PHACTR1: variants seen among roughly 807,000 people sequenced by gnomAD.
PHACTR1 encodes phosphatase and actin regulator 1, also known as RPEL repeat containing 1.
Under a neutral mutation model 69.2 loss-of-function variants are expected in PHACTR1, and 16 were observed. The ratio of observed to expected loss-of-function variants is 0.23; its 90% CI spans 0.16 to 0.35. The LOEUF (loss-of-function observed/expected upper bound fraction) is 0.35, where lower values mean the gene tolerates loss of function less well. Among genes scored for constraint, PHACTR1 ranks in the 10% least tolerant of loss-of-function variants. The pLI is 1.00. For missense variants in PHACTR1, 510 were observed against 734.7 expected, an observed-to-expected ratio of 0.69 and a Z score of 3.54; for synonymous variants, 312 against 284.5, an observed-to-expected ratio of 1.10 and a Z score of -0.97.
At chr6:12,947,047 G>A (rs931764915) in intron 4 of PHACTR1, among the ~76,000 whole-genome samples, 4 of 151,654 alleles carry the variant, frequency 2.6e-5, no homozygotes, top group African/African-American at 7.3e-5. Flanking sequence ...TCCTGATGTC[G>A]TGATCCACCC....
At chr6:13,054,321 A>G (rs1806445630) in intron 5 of PHACTR1, among the ~76,000 whole-genome samples, 1 of 152,250 alleles carries the variant, frequency 6.6e-6, no homozygotes, top group Non-Finnish European at 1.5e-5. Flanking sequence ...AATGTGCTAC[A>G]GGGAAAGACA....
At chr6:12,776,384 T>G (rs1229732702) in intron 4 of PHACTR1, among the ~76,000 whole-genome samples, 2 of 152,226 alleles carry the variant, frequency 1.3e-5, no homozygotes, top group Non-Finnish European at 2.9e-5. Context: ...TCTGGAGAGT[T>G]GGAATCAGTA....
intron 4 of PHACTR1, among the ~76,000 whole-genome samples, chr6:12,935,256 T>C (rs1381289638): frequency 6.6e-6 from 1 of 152,168 alleles, no homozygotes; most frequent in South Asian, 2.1e-4. Flanking sequence ...TTATTTTTAT[T>C]TTTTTAAGAC....
At chr6:13,116,209 G>C (rs1817799477) in intron 5 of PHACTR1, among the ~76,000 whole-genome samples, 1 of 152,312 alleles carries the variant, frequency 6.6e-6, no homozygotes. Flanking sequence ...ACTGAAATTG[G>C]AGGAACATGC....
intron 4 of PHACTR1, among the ~76,000 whole-genome samples, chr6:13,004,261 C>G (rs899000964): frequency 3.3e-5 from 5 of 151,910 alleles, no homozygotes; most frequent in African/African-American, 7.3e-5. Context: ...TCCCTTTTCT[C>G]TGCATCCTCA....
intron 5 of PHACTR1, 36 bp from the exon 6 acceptor site, chr6:13,160,168 C>G (rs371642316): frequency 1.9e-6 from 3 of 1,577,562 alleles, no homozygotes; most frequent in Non-Finnish European, 2.6e-6. Flanking sequence ...TTGTTACCTA[C>G]TCACATCTGC....
chr6:12,760,695 G>A (rs982353524), intron 4 of PHACTR1, among the ~76,000 whole-genome samples: 6 of 152,192 alleles, frequency 3.9e-5, no homozygotes, highest in Non-Finnish European at 8.8e-5. Context: ...CACTTTGGGA[G>A]GTGGAGGTGG....
intron 6 of PHACTR1, among the ~76,000 whole-genome samples, chr6:13,175,431 CT>C (rs991051353): frequency 6.6e-6 from 1 of 152,172 alleles, no homozygotes; most frequent in Non-Finnish European, 1.5e-5. Flanking sequence ...AGCTAAGTGG[CT>C]TGTTGAGAGC....
At chr6:13,070,847 A>G (rs1473695191) in intron 5 of PHACTR1, among the ~76,000 whole-genome samples, 1 of 152,162 alleles carries the variant, frequency 6.6e-6, no homozygotes, top group Non-Finnish European at 1.5e-5. Context: ...ACCAAAAAAA[A>G]ACAAGGTTTT....
At chr6:13,131,089 A>G (rs1194043771) in intron 5 of PHACTR1, among the ~76,000 whole-genome samples, 1 of 152,002 alleles carries the variant, frequency 6.6e-6, no homozygotes, top group Non-Finnish European at 1.5e-5. Context: ...CAGAAAAAGC[A>G]TTTGACAAAT....
intron 4 of PHACTR1, among the ~76,000 whole-genome samples, chr6:12,751,880 C>T (rs1036690612): frequency 2.0e-5 from 3 of 152,190 alleles, no homozygotes; most frequent in African/African-American, 7.2e-5. Flanking sequence ...GTCTGTACTG[C>T]AGTCAGGGGA....
chr6:12,904,494 A>C (rs1344546370), intron 4 of PHACTR1, among the ~76,000 whole-genome samples: 2 of 151,048 alleles, frequency 1.3e-5, no homozygotes, highest in Admixed American at 6.6e-5. Flanking sequence ...AGATCTTCCC[A>C]CTGCACTCCA....
chr6:12,736,874 CTT>C (rs1337570032), intron 3 of PHACTR1, among the ~76,000 whole-genome samples: 4 of 152,090 alleles, frequency 2.6e-5, no homozygotes, highest in Non-Finnish European at 5.9e-5. Context: ...TTTGCTCTCT[CTT>C]GTCTCTATTG....
chr6:13,119,612 CT>C (rs1818396305), intron 5 of PHACTR1, among the ~76,000 whole-genome samples: 1 of 152,178 alleles, frequency 6.6e-6, no homozygotes. Flanking sequence ...AGGTTTGTTG[CT>C]TTTGCATCTC....
In PHACTR1 at chr6:13,287,543, A is replaced by C. The variant is rs2127505191; in HGVS notation, c.*465A>C. 1 of 157,680 alleles carries C rather than the reference A, an allele frequency of 6.3e-6. No individual in the cohort carries two copies. The highest frequency in any genetic ancestry group is 1.4e-5 in the Non-Finnish European group (1 of 71,508). The allele number at this position is 157,680 out of a possible 1,614,324, so 9.8% of individuals were successfully genotyped here. On this transcript the variant is annotated 3_prime_UTR_variant, in exon 15 of 15. Coordinates refer to ENST00000332995, the MANE Select transcript of PHACTR1 (RefSeq NM_030948.6). ...TCTGGTTGGACTTCTACACTTGGCC[A>C]AATGTACTGGCTCCAGACATGACAT...
chr6:12,833,222 A>G (rs1777774500), intron 4 of PHACTR1, among the ~76,000 whole-genome samples: 1 of 151,822 alleles, frequency 6.6e-6, no homozygotes, highest in South Asian at 2.1e-4. Flanking sequence ...AATCTTTGAT[A>G]TACTAGATAA....
intron 4 of PHACTR1, among the ~76,000 whole-genome samples, chr6:12,884,562 G>T (rs533245469): frequency 6.6e-6 from 1 of 152,046 alleles, no homozygotes; most frequent in Admixed American, 6.5e-5. Flanking sequence ...CACCACACCC[G>T]GCTAATTTTT....
At chr6:12,750,612 A>G (rs1368998398) in intron 4 of PHACTR1, among the ~76,000 whole-genome samples, 4 of 152,126 alleles carry the variant, frequency 2.6e-5, no homozygotes, top group Non-Finnish European at 5.9e-5. Context: ...TGAGGGATTC[A>G]GAGTCAAAAA....
At chr6:12,911,582 T>C (rs563191880) in intron 4 of PHACTR1, among the ~76,000 whole-genome samples, 5 of 152,252 alleles carry the variant, frequency 3.3e-5, no homozygotes, top group African/African-American at 1.2e-4. Flanking sequence ...AATAATAATG[T>C]GGCTGTTTTT....
Sources: allele counts gnomAD v4.1 joint callset (sites outside exome capture counted in the v4.1 genomes callset), GRCh38; gene constraint gnomAD v4.1.1; transcripts MANE v1.5; gene names NCBI Gene and HGNC (gene_info 2026-07-23, HGNC 2026-07-21).